Variants in PCMTD1 observed in about 807,000 individuals in gnomAD.
PCMTD1 encodes the protein protein-L-isoaspartate (D-aspartate) O-methyltransferase domain containing 1, also known as protein-L-isoaspartate O-methyltransferase domain-containing protein 1.
PCMTD1 carries 12 observed loss-of-function variants against 37.6 expected under a neutral mutation model. The ratio of observed to expected loss-of-function variants is 0.32; its 90% CI spans 0.20 to 0.52. The LOEUF (loss-of-function observed/expected upper bound fraction) is 0.52. PCMTD1 is among the 20% of genes least tolerant of loss of function. The pLI is 0.97. For missense variants in PCMTD1, 235 were observed against 421.3 expected (o/e 0.56, Z 3.87); for synonymous variants, 117 against 135.8 (o/e 0.86, Z 0.96).
At chr8:51,894,775 A>G (rs922912171) in intron 1 of PCMTD1, among the ~76,000 whole-genome samples, 1 of 134,862 alleles carries the variant, frequency 7.4e-6, no homozygotes, top group Non-Finnish European at 1.7e-5. Context: ...AGGAACCACA[A>G]TGCAGTAAGA....
intron 1 of PCMTD1, among the ~76,000 whole-genome samples, chr8:51,866,549 G>A (rs1489301983): frequency 6.6e-6 from 1 of 151,766 alleles, no homozygotes; most frequent in Admixed American, 6.6e-5. Context: ...TCTTCAATAA[G>A]TGCTGCTGGG....
rs1408489015 is a variant in PCMTD1 at position 51,833,633 on chromosome 8, T to C, written c.467A>G (p.Asp156Gly). The C allele has an allele frequency of 6.2e-7, 1 of 1,612,296 alleles. No individual in the cohort carries two copies. Among genetic ancestry groups the C allele is most frequent in the South Asian group, 1.1e-5 (1 of 90,964 alleles). ...ATAAATTCGATCATACTGATGACTG[T>C]CAGAAGCTATCTGGAGGCAATTACC... ...VVGNCLQIAS[D>G]SHQYDRIYCG... The change falls in exon 4 of 6, where the codon GAC becomes GGC. Residue 156 changes from aspartate (D) to glycine (G), a missense_variant. Physicochemically the swap from Asp to Gly is moderately conservative, Grantham distance 94. Coordinates refer to ENST00000522514, the MANE Select transcript of PCMTD1 (RefSeq NM_052937.4).
chr8:51,891,529 C>A (rs1170128926), intron 1 of PCMTD1, among the ~76,000 whole-genome samples: 1 of 151,712 alleles, frequency 6.6e-6, no homozygotes, highest in Non-Finnish European at 1.5e-5. Context: ...GCACTCCAGG[C>A]TGGGTGACAC....
chr8:51,887,819 G>A lies in PCMTD1; in HGVS notation c.-96+11111C>T, dbSNP rs1427304385. On this transcript the variant is annotated intron_variant, in intron 1 of 5. Transcript: ENST00000522514. Reference sequence around the variant, plus strand: ...TGCAGTGGCACGATCTCAGCTCACTGCAACCTCTGCCTCCCGGGTTCAAGC... The same window carrying A: ...TGCAGTGGCACGATCTCAGCTCACTACAACCTCTGCCTCCCGGGTTCAAGC... Among the ~76,000 whole-genome samples the A allele has an allele frequency of 4.1e-5, 6 of 146,878 alleles. No homozygotes were observed. The East Asian group carries it at 1.0e-3, about 24-fold the overall frequency.
At chr8:51,830,784 A>G (rs2037986837) in intron 5 of PCMTD1, among the ~76,000 whole-genome samples, 1 of 152,174 alleles carries the variant, frequency 6.6e-6, no homozygotes, top group South Asian at 2.1e-4. Context: ...AAGTTCTTTT[A>G]TATCACTCTG....
In PCMTD1 at chr8:51,845,880, C is replaced by A. The variant is rs2038211000; in HGVS notation, c.308-117G>T. On this transcript the variant is annotated intron_variant, in intron 2 of 5. Coordinates refer to ENST00000522514, the MANE Select transcript of PCMTD1 (RefSeq NM_052937.4). ...GTATTTAAAGATGGCTTGAAATATG[C>A]AAATACTTCCTAGCCTCAGACTTAA... The A allele has an allele frequency of 6.6e-6, 4 of 603,272 alleles. No individual in the cohort carries two copies. The South Asian group carries it at 7.4e-5, about 11-fold the overall frequency. The allele number at this position is 603,272 out of a possible 1,614,324, so 37.4% of individuals were successfully genotyped here.
chr8:51,826,996 T>C (rs777874149), intron 5 of PCMTD1: 32 of 942,272 alleles, frequency 3.4e-5, no homozygotes, highest in Non-Finnish European at 3.7e-5. Context: ...AAATAATTTA[T>C]ATATATATTA....
intron 2 of PCMTD1, chr8:51,860,558 G>A (rs1485452878): frequency 1.1e-5 from 3 of 266,090 alleles, no homozygotes; most frequent in Non-Finnish European, 1.4e-5. Context: ...ATCTGAAATA[G>A]ATTAAATATT....
At chr8:51,898,676 C>A (rs1283921944) in intron 1 of PCMTD1, among the ~76,000 whole-genome samples, 1 of 152,028 alleles carries the variant, frequency 6.6e-6, no homozygotes, top group Non-Finnish European at 1.5e-5. Context: ...GACCTCCAGG[C>A]TTCGCTGGGC....
At position 51,898,950 on chromosome 8, in the gene PCMTD1, C is replaced by A; in HGVS notation, c.-116G>T. 1 of 1,430,068 alleles carries A rather than the reference C, an allele frequency of 7.0e-7. No homozygotes were observed. Among genetic ancestry groups the A allele is most frequent in the Non-Finnish European group, 9.1e-7 (1 of 1,093,058 alleles). The allele number at this position is 1,430,068 out of a possible 1,614,324, so 88.6% of individuals were successfully genotyped here. A position where few individuals can be genotyped will look rare whatever the true frequency, so the allele number is the denominator to read the frequency against. ...GTTACCTGTGGCGCGGGCAGCGGCG[C>A]GCAGGCCAGGCGCTAGGACTCGGCG... On this transcript the variant is annotated 5_prime_UTR_variant, in exon 1 of 6. Transcript: ENST00000522514.
At chr8:51,854,181 A>T (rs1254734211) in intron 2 of PCMTD1, among the ~76,000 whole-genome samples, 1 of 152,178 alleles carries the variant, frequency 6.6e-6, no homozygotes, top group East Asian at 1.9e-4. Context: ...AACCAGAAGA[A>T]ATTACTATGA....
intron 3 of PCMTD1, among the ~76,000 whole-genome samples, chr8:51,836,149 T>C (rs1027696830): frequency 2.6e-5 from 4 of 152,096 alleles, no homozygotes; most frequent in African/African-American, 7.2e-5. Flanking sequence ...GGCATGGGGA[T>C]CAGAGAAGGG....
chr8:51,831,070 G>C lies in PCMTD1; in HGVS notation c.706+374C>G, dbSNP rs1021840315. On this transcript the variant is annotated intron_variant, in intron 5 of 5. Transcript: ENST00000522514. ...CCCAGCACTTTGGGAGGCTGAGATG[G>C]GTGGATCACTCGAGGTCAGGTGTTT... Among the ~76,000 whole-genome samples, 4 of 152,208 alleles carry C rather than the reference G, an allele frequency of 2.6e-5. No homozygotes were observed. The East Asian group carries it at 5.8e-4, about 22-fold the overall frequency.
At chr8:51,845,785 T>C in intron 2 of PCMTD1, 22 bp from the exon 3 acceptor site, 1 of 1,530,924 alleles carries the variant, frequency 6.5e-7, no homozygotes, top group East Asian at 2.3e-5. Context: ...GCAGCATTTT[T>C]ATAAAAAATA....
In PCMTD1 at chr8:51,825,432, C is replaced by T. The variant is rs1483676891; in HGVS notation, c.707-4714G>A. Reference sequence around the variant, plus strand: ...ATTTATGGCCGGGCGCGGTGGCTCACGCCTGTAATCCCAGCACTTTGGGAG... The same window carrying T: ...ATTTATGGCCGGGCGCGGTGGCTCATGCCTGTAATCCCAGCACTTTGGGAG... On this transcript the variant is annotated intron_variant, in intron 5 of 5. Coordinates refer to ENST00000522514, the MANE Select transcript of PCMTD1 (RefSeq NM_052937.4). Among the ~76,000 whole-genome samples the T allele has an allele frequency of 5.4e-4, 16 of 29,790 alleles. 4 individuals carry two copies. Among genetic ancestry groups the T allele is most frequent in the Non-Finnish European group, 3.1e-3 (4 of 1,298 alleles). 19.5% of individuals were successfully genotyped at this position (29,790 alleles called of 152,430 possible). A position where few individuals can be genotyped will look rare whatever the true frequency, so the allele number is the denominator to read the frequency against.
chr8:51,842,254 G>A (rs1199946845), intron 3 of PCMTD1, among the ~76,000 whole-genome samples: 1 of 151,922 alleles, frequency 6.6e-6, no homozygotes, highest in Non-Finnish European at 1.5e-5. Flanking sequence ...AAGTTTAAAA[G>A]TACTTACAAT....
chr8:51,855,368 CAAA>C (rs753723719), intron 2 of PCMTD1, among the ~76,000 whole-genome samples: 2 of 129,768 alleles, frequency 1.5e-5, no homozygotes, highest in Non-Finnish European at 1.7e-5. Flanking sequence ...TCTTTAATAC[CAAA>C]AAAAAAAAAA....
chr8:51,881,000 C>T (rs2038783015), intron 1 of PCMTD1, among the ~76,000 whole-genome samples: 1 of 152,088 alleles, frequency 6.6e-6, no homozygotes, highest in Non-Finnish European at 1.5e-5. Context: ...GCAGACCACA[C>T]AAAAAAAGAC....
rs575029190 is a variant in PCMTD1 at position 51,891,967 on chromosome 8, C to T, written c.-96+6963G>A. On this transcript the variant is annotated intron_variant, in intron 1 of 5. Transcript: ENST00000522514. ...TTCTGACTGACATTTTTAATATGCA[C>T]GAATATATTGTTTCTGTTTATACAT... Among the ~76,000 whole-genome samples the T allele has an allele frequency of 2.2e-3, 332 of 152,062 alleles. 2 individuals carry two copies. Among genetic ancestry groups the T allele is most frequent in the African/African-American group, 7.5e-3 (310 of 41,508 alleles).
Sources: allele counts gnomAD v4.1 joint callset (sites outside exome capture counted in the v4.1 genomes callset), GRCh38; gene constraint gnomAD v4.1.1; transcripts MANE v1.5; gene names NCBI Gene and HGNC (gene_info 2026-07-23, HGNC 2026-07-21).